The following BLNK variants were observed in gnomAD, a reference collection of about 807,000 sequenced individuals.
The protein encoded by BLNK is B-cell linker protein.
Under a neutral mutation model 73.5 loss-of-function variants are expected in BLNK, and 29 were observed. The ratio of observed to expected loss-of-function variants is 0.39; its 90% CI spans 0.29 to 0.54. The LOEUF is 0.54. BLNK is among the 20% of genes least tolerant of loss of function. The pLI is 0.61. For synonymous variants in BLNK, 176 were observed against 200.8 expected (o/e 0.88, Z 1.04); for missense variants, 460 against 562.8 (o/e 0.82, Z 1.85).
chr10:96,229,763 C>T (rs587730194), intron 4 of BLNK, among the ~76,000 whole-genome samples: 1 of 151,876 alleles, frequency 6.6e-6, no homozygotes, highest in Non-Finnish European at 1.5e-5. Context: ...GCTGCTGGGC[C>T]CCAGGAGGAG....
At position 96,216,497 on chromosome 10, in the gene BLNK, T is replaced by C. The variant is rs76517748; in HGVS notation, c.607+156A>G. The C allele has an allele frequency of 7.8e-3, 5,468 of 699,052 alleles. 39 individuals are homozygous for C. The highest frequency in any genetic ancestry group is 0.021 in the Middle Eastern group (89 of 4,210). 43.3% of individuals were successfully genotyped at this position (699,052 alleles called of 1,614,324 possible). On this transcript the variant is annotated intron_variant, in intron 7 of 16. Coordinates refer to ENST00000224337, the MANE Select transcript of BLNK (RefSeq NM_013314.4). The stretch of plus-strand genomic sequence containing the variant: ...CAGAGATGGGTTGTCACTGATGCTG[T>C]CTGCCCAACCAGCCAAAGAAGCACA...
At chr10:96,268,443 C>T (rs1340008367) in intron 1 of BLNK, among the ~76,000 whole-genome samples, 2 of 151,796 alleles carry the variant, frequency 1.3e-5, no homozygotes, top group Admixed American at 1.3e-4. Flanking sequence ...TAGGAATCAA[C>T]TAAAAGACCC....
chr10:96,263,450 C>T (rs1320942422), intron 1 of BLNK, among the ~76,000 whole-genome samples: 1 of 152,248 alleles, frequency 6.6e-6, no homozygotes, highest in Non-Finnish European at 1.5e-5. Context: ...ACATGTCCCT[C>T]AAGCTGGCTT....
intron 11 of BLNK, among the ~76,000 whole-genome samples, chr10:96,205,590 T>G (rs76948568): frequency 0.025 from 3,791 of 152,272 alleles, 77 homozygotes; most frequent in Non-Finnish European, 0.035. Context: ...ACTTGGTAAT[T>G]TCAGAAGGAG....
rs781961037 is a variant in BLNK at position 96,204,525 on chromosome 10, T to G, written c.902+7A>C. On this transcript the variant is annotated splice_region_variant and intron_variant, in intron 12 of 16. Transcript: ENST00000224337. The stretch of plus-strand genomic sequence containing the variant: ...GGAAACTGATCTTTAAAGGAAAGGA[T>G]TCTTACTTCTGGGCAGGAGGAAACA... 2.5e-6 allele frequency: 4 copies of G among 1,613,754 alleles called. No homozygotes were observed. The East Asian group carries it at 8.9e-5, about 36-fold the overall frequency.
At chr10:96,257,068 C>G (rs1221801538) in intron 1 of BLNK, among the ~76,000 whole-genome samples, 1 of 151,978 alleles carries the variant, frequency 6.6e-6, no homozygotes, top group Non-Finnish European at 1.5e-5. Flanking sequence ...GGAACAGCAG[C>G]CAGGTATCAG....
chr10:96,260,241 A>G (rs1843695449), intron 1 of BLNK, among the ~76,000 whole-genome samples: 1 of 152,198 alleles, frequency 6.6e-6, no homozygotes. Flanking sequence ...TTGGAAGAAC[A>G]CTAAGAGGTC....
At chr10:96,203,101 G>A (rs2083691241) in intron 13 of BLNK, among the ~76,000 whole-genome samples, 1 of 152,166 alleles carries the variant, frequency 6.6e-6, no homozygotes, top group Admixed American at 6.5e-5. Flanking sequence ...CATGAGGACA[G>A]GGTCTTTATT....
At chr10:96,230,868 T>C (rs782144229) in intron 3 of BLNK, 34 bp from the exon 4 acceptor site, 4 of 1,606,718 alleles carry the variant, frequency 2.5e-6, no homozygotes, top group Non-Finnish European at 3.4e-6. Flanking sequence ...AAGGCACAAG[T>C]GTGAGCCTCA....
chr10:96,199,703 G>C (rs1246313321), intron 15 of BLNK, among the ~76,000 whole-genome samples: 6 of 152,150 alleles, frequency 3.9e-5, no homozygotes, highest in Non-Finnish European at 8.8e-5. Flanking sequence ...TACAGGCTGA[G>C]GGCAAAACGT....
intron 13 of BLNK, chr10:96,203,633 C>T: frequency 6.5e-6 from 1 of 153,482 alleles, no homozygotes; most frequent in Non-Finnish European, 1.4e-5. Context: ...TTTAAGGTAC[C>T]TTTTGTAGAC....
chr10:96,200,911 T>C lies in BLNK; in HGVS notation c.1011+71A>G, dbSNP rs1451418480. 7.3e-7 allele frequency: 1 copy of C among 1,371,056 alleles called. No individual in the cohort carries two copies. The highest frequency in any genetic ancestry group is 1.2e-5 in the South Asian group (1 of 86,124). The allele number at this position is 1,371,056 out of a possible 1,614,324, so 84.9% of individuals were successfully genotyped here. On this transcript the variant is annotated intron_variant, in intron 14 of 16. Transcript: ENST00000224337. The surrounding 1 kb of genome is among the most constrained non-coding windows in gnomAD (Gnocchi z 4.3). ...CTCAAGGTTCACTCCAAATGTCTTCTTCTCAGAAGACATGCTCTTTCCTGC... is the reference window on the plus strand; with the variant it reads ...CTCAAGGTTCACTCCAAATGTCTTCCTCTCAGAAGACATGCTCTTTCCTGC...
rs782601154 is a variant in BLNK at position 96,223,840 on chromosome 10, G to A, written c.511C>T (p.Leu171Phe). Residue 171 changes from leucine (L) to phenylalanine (F), a missense_variant, in exon 6 of 17, where the codon CTC becomes TTC. Around this residue, in one of 3 missense-constraint regions of BLNK, gnomAD observed 233 missense variants for 232.1 expected, o/e 1.00. Coordinates refer to ENST00000224337, the MANE Select transcript of BLNK (RefSeq NM_013314.4). Reference sequence around the variant, plus strand: ...ATTTACTTTACCTCATCCTCAAGGAGGCCTTTGGGTTTGGGTGGGACTTGA... The same window carrying A: ...ATTTACTTTACCTCATCCTCAAGGAAGCCTTTGGGTTTGGGTGGGACTTGA... Reference protein sequence around the residue: ...KPQVPPKPKGLLEDEADYVVP... With the variant: ...KPQVPPKPKGFLEDEADYVVP... 1.9e-6 allele frequency: 3 copies of A among 1,613,736 alleles called. No individual in the cohort carries two copies. Among genetic ancestry groups the A allele is most frequent in the Admixed American group, 3.3e-5 (2 of 59,990 alleles).
chr10:96,189,619 G>T lies in BLNK; in HGVS notation c.*2354C>A. 1.4e-6 allele frequency: 1 copy of T among 702,748 alleles called. No individual in the cohort carries two copies. Among genetic ancestry groups the T allele is most frequent in the South Asian group, 1.4e-5 (1 of 73,628 alleles). 43.5% of individuals were successfully genotyped at this position (702,748 alleles called of 1,614,324 possible). On this transcript the variant is annotated 3_prime_UTR_variant, in exon 17 of 17. Transcript: ENST00000224337. ...GATGGGTTTGAGTGTTTTCTATTCT[G>T]ATTTGACTTTTGTGCATTTTTGGCT...
At chr10:96,235,378 A>G (rs1842655412) in intron 3 of BLNK, among the ~76,000 whole-genome samples, 1 of 152,228 alleles carries the variant, frequency 6.6e-6, no homozygotes, top group Non-Finnish European at 1.5e-5. Flanking sequence ...AGGTATTCTT[A>G]TCCCCAGGTC....
chr10:96,263,807 G>A (rs976058200), intron 1 of BLNK, among the ~76,000 whole-genome samples: 8 of 152,228 alleles, frequency 5.3e-5, no homozygotes, highest in African/African-American at 1.4e-4. Flanking sequence ...GTGAAGAGGA[G>A]CAACCTCCTG....
At chr10:96,230,343 T>C (rs1842448654) in intron 4 of BLNK, among the ~76,000 whole-genome samples, 2 of 152,140 alleles carry the variant, frequency 1.3e-5, no homozygotes, top group Non-Finnish European at 2.9e-5. Context: ...TGAAACTTTC[T>C]AGACCTTGGT....
rs144847779 is a variant in BLNK, at chr10:96,237,210, A to T, written c.163+5525T>A. Among the ~76,000 whole-genome samples the T allele has an allele frequency of 1.2e-3, 179 of 152,340 alleles. 1 individual carries two copies. Among genetic ancestry groups the T allele is most frequent in the Non-Finnish European group, 1.9e-3 (126 of 68,026 alleles). On this transcript the variant is annotated intron_variant, in intron 3 of 16. Transcript: ENST00000224337. ...AGAAAACCAGGTAAATGCTGGCTCC[A>T]CTAGGAGCACCAGGCCCATGACAAA... is the stretch of plus-strand genomic sequence containing the variant.
At position 96,215,452 on chromosome 10, in the gene BLNK, A is replaced by T. The variant is rs999241653; in HGVS notation, c.608-63T>A. On this transcript the variant is annotated intron_variant, in intron 7 of 16. Transcript: ENST00000224337. ...ATATACATAAAACCATTACAGATAC[A>T]TGCCATTGAGGAAAATTCACACTCA... The T allele has an allele frequency of 3.4e-6, 5 of 1,460,980 alleles. No individual in the cohort carries two copies. In the African/African-American group the frequency reaches 7.1e-5, roughly 21 times the overall value. 90.5% of individuals were successfully genotyped at this position (1,460,980 alleles called of 1,614,324 possible).
Sources: gnomAD v4.1 joint callset for allele counts (sites outside exome capture counted in the v4.1 genomes callset) on GRCh38, gnomAD v4.1.1 for gene constraint, gnomAD v4.1.1 regional missense constraint, Gnocchi (gnomAD v3.1) non-coding constraint, MANE v1.5 for transcripts, NCBI Gene and HGNC (gene_info 2026-07-23, HGNC 2026-07-21) for gene names.